MRPS11: variants seen among roughly 807,000 people sequenced by gnomAD.
MRPS11 encodes small ribosomal subunit protein uS11m.
MRPS11 carries 27 observed loss-of-function variants against 24.3 expected under a neutral mutation model. The ratio of observed to expected loss-of-function variants is 1.11; its 90% CI spans 0.82 to 1.53. The LOEUF (loss-of-function observed/expected upper bound fraction) is 1.53, where lower values mean the gene tolerates loss of function less well. Ranked by LOEUF, MRPS11 falls within the 40% of genes most tolerant of loss-of-function variation. The pLI, the probability that MRPS11 is intolerant of heterozygous loss-of-function variation, is 0.00. For missense variants in MRPS11, 277 were observed against 256.5 expected (o/e 1.08, Z -0.55); for synonymous variants, 104 against 98.7 (o/e 1.05, Z -0.32).
In MRPS11 at chr15:88,472,702, A is replaced by G; in HGVS notation, c.258A>G (p.Ala86=). The change falls in exon 3 of 6, where the codon GCA becomes GCG. Residue 86 remains alanine, a synonymous_variant. Transcript: ENST00000325844. ...AGKKFEEIPI[A]HIKASHNNTQ... ...AGAAATTTGAGGAGATCCCAATTGC[A>G]CACATTAAAGCATCCCACAACAAGT... 6.2e-7 allele frequency: 1 copy of G among 1,613,890 alleles called. No individual in the cohort carries two copies. The highest frequency in any genetic ancestry group is 8.5e-7 in the Non-Finnish European group (1 of 1,179,838).
chr15:88,478,248 A>C lies in MRPS11; in HGVS notation c.*269A>C. 1.1e-5 allele frequency: 5 copies of C among 468,832 alleles called. No individual in the cohort carries two copies. The highest frequency in any genetic ancestry group is 1.9e-5 in the African/African-American group (1 of 51,646). 29.0% of individuals were successfully genotyped at this position (468,832 alleles called of 1,614,324 possible). The stretch of plus-strand genomic sequence containing the variant: ...CAAACTCTGCTCTGAGAAAATAAAT[A>C]TCTGTACCACCTGTCATAATTTTGA... On this transcript the variant is annotated 3_prime_UTR_variant, in exon 6 of 6. Transcript: ENST00000325844. The surrounding 1 kb of genome is among the most constrained non-coding windows in gnomAD (Gnocchi z 4.7).
rs769413243 is a variant in MRPS11, at chr15:88,475,062, T to G, written c.282-48T>G. 3 of 1,606,026 alleles carry G rather than the reference T, an allele frequency of 1.9e-6. No individual in the cohort carries two copies. The South Asian group carries it at 3.3e-5, about 18-fold the overall frequency. ...GGGGCATAGATTAGCTCTCTCTTAT[T>G]TCCCTGAAGAAGAGTTGTATCCTAT... On this transcript the variant is annotated intron_variant, in intron 3 of 5. Transcript: ENST00000325844. This position sits in a 1 kb window ranked among gnomAD's most constrained non-coding sequence, Gnocchi z 4.1.
chr15:88,479,732 C>G lies in MRPS11; in HGVS notation c.*1753C>G, dbSNP rs2055894732. The G allele has an allele frequency of 6.6e-6, 1 of 152,248 alleles. No homozygotes were observed. The highest frequency in any genetic ancestry group is 1.5e-5 in the Non-Finnish European group (1 of 68,060). 9.4% of individuals were successfully genotyped at this position (152,248 alleles called of 1,614,324 possible). On this transcript the variant is annotated 3_prime_UTR_variant, in exon 6 of 6. Transcript: ENST00000325844. ...AAACATGGTGCACTTGAAAATTGCA[C>G]TTCGCGATTTGATATGGTTTGGTGG...
intron 3 of MRPS11, among the ~76,000 whole-genome samples, chr15:88,474,419 C>T (rs1467134258): frequency 6.6e-6 from 1 of 152,028 alleles, no homozygotes; most frequent in Non-Finnish European, 1.5e-5. Context: ...ATTAGCCAGG[C>T]ATGGTGGTGC....
rs554115469 is a variant in MRPS11, at chr15:88,479,787, A to G, written c.*1808A>G. The G allele has an allele frequency of 6.6e-6, 1 of 152,376 alleles. No homozygotes were observed. The highest frequency in any genetic ancestry group is 1.9e-4 in the East Asian group (1 of 5,194). The allele number at this position is 152,376 out of a possible 1,614,324, so 9.4% of individuals were successfully genotyped here. A position where few individuals can be genotyped will look rare whatever the true frequency, so the allele number is the denominator to read the frequency against. On this transcript the variant is annotated 3_prime_UTR_variant, in exon 6 of 6. Transcript: ENST00000325844. ...AGGGCCCGTAGCCATCAGACAGTTC[A>G]ATCAGGGTCTGAGCAGGAAACAGCT...
intron 2 of MRPS11, among the ~76,000 whole-genome samples, chr15:88,471,628 C>T (rs1020801931): frequency 9.2e-5 from 14 of 152,158 alleles, no homozygotes; most frequent in African/African-American, 3.4e-4. Flanking sequence ...CCTATTGGTA[C>T]CTAATTTTCA....
rs1244699342 is a variant in MRPS11, at chr15:88,477,912, T to G, written c.518T>G (p.Ile173Ser). Residue 173 changes from isoleucine (I) to serine (S), a missense_variant, in exon 6 of 6, where the codon ATC becomes AGC. By Grantham distance (142) the Ile-to-Ser change is moderately radical (BLOSUM62 -2). Coordinates refer to ENST00000325844, the MANE Select transcript of MRPS11 (RefSeq NM_022839.5). The surrounding 1 kb of genome is among the most constrained non-coding windows in gnomAD (Gnocchi z 5.7). ...CTGATCATGGGCGGCCTGGAAGTGATCTCAATCACAGACAACACCCCAATC... is the reference window on the plus strand; with the variant it reads ...CTGATCATGGGCGGCCTGGAAGTGAGCTCAATCACAGACAACACCCCAATC... ...HGLIMGGLEV[I>S]SITDNTPIPH... The G allele has an allele frequency of 6.2e-7, 1 of 1,614,118 alleles. No individual in the cohort carries two copies. Among genetic ancestry groups the G allele is most frequent in the African/African-American group, 1.3e-5 (1 of 75,022 alleles).
chr15:88,473,200 GCCT>G (rs1170072701), intron 3 of MRPS11, among the ~76,000 whole-genome samples: 1 of 152,220 alleles, frequency 6.6e-6, no homozygotes, highest in South Asian at 2.1e-4. Context: ...CTGTGCACTG[GCCT>G]CCACCTTGTA....
chr15:88,475,388 A>G lies in MRPS11; in HGVS notation c.411+149A>G. On this transcript the variant is annotated intron_variant, in intron 4 of 5. Coordinates refer to ENST00000325844, the MANE Select transcript of MRPS11 (RefSeq NM_022839.5). This position sits in a 1 kb window ranked among gnomAD's most constrained non-coding sequence, Gnocchi z 4.1. Reference sequence around the variant, plus strand: ...TGCCCTGATTGGAGCATTGGTTTGAAAAGGTTTAGTGAAAGGCTCCTCTTT... The same window carrying G: ...TGCCCTGATTGGAGCATTGGTTTGAGAAGGTTTAGTGAAAGGCTCCTCTTT... 1 of 1,192,686 alleles carries G rather than the reference A, an allele frequency of 8.4e-7. No individual in the cohort carries two copies. Among genetic ancestry groups the G allele is most frequent in the Non-Finnish European group, 1.2e-6 (1 of 863,876 alleles). The allele number at this position is 1,192,686 out of a possible 1,614,324, so 73.9% of individuals were successfully genotyped here.
At position 88,477,582 on chromosome 15, in the gene MRPS11, G is replaced by C. The variant is rs560604140; in HGVS notation, c.478-290G>C. 5.3e-5 allele frequency among the ~76,000 whole-genome samples: 8 copies of C among 152,300 alleles called. No individual in the cohort carries two copies. Among genetic ancestry groups the C allele is most frequent in the Middle Eastern group, 3.4e-3 (1 of 294 alleles). On this transcript the variant is annotated intron_variant, in intron 5 of 5. Transcript: ENST00000325844. The surrounding 1 kb of genome is among the most constrained non-coding windows in gnomAD (Gnocchi z 5.7). ...TAAGCTACAGAAGTATGATACCCAAGGTGTGCCAAGGTCTACAAGAAGTCT... is the reference window on the plus strand; with the variant it reads ...TAAGCTACAGAAGTATGATACCCAACGTGTGCCAAGGTCTACAAGAAGTCT...
intron 2 of MRPS11, 168 bp from the exon 3 acceptor site, chr15:88,472,459 A>C (rs2055731558): frequency 5.1e-6 from 3 of 583,672 alleles, no homozygotes; most frequent in Non-Finnish European, 9.3e-6. Flanking sequence ...TAAGCACAGC[A>C]GTCACACATG....
Position 88,477,908 on chromosome 15 carries a change from G to C in MRPS11, c.514G>C (p.Val172Leu). The C allele has an allele frequency of 6.2e-7, 1 of 1,614,192 alleles. No individual in the cohort carries two copies. Residue 172 changes from valine to leucine, a missense_variant, in exon 6 of 6, where the codon GTG becomes CTG. Coordinates refer to ENST00000325844, the MANE Select transcript of MRPS11 (RefSeq NM_022839.5). The surrounding 1 kb of genome is among the most constrained non-coding windows in gnomAD (Gnocchi z 5.7). Reference sequence around the variant, plus strand: ...CGGACTGATCATGGGCGGCCTGGAAGTGATCTCAATCACAGACAACACCCC... The same window carrying C: ...CGGACTGATCATGGGCGGCCTGGAACTGATCTCAATCACAGACAACACCCC... ...MHGLIMGGLE[V>L]ISITDNTPIP...
intron 4 of MRPS11, among the ~76,000 whole-genome samples, chr15:88,476,143 A>G (rs946320001): frequency 1.3e-5 from 2 of 152,174 alleles, no homozygotes; most frequent in African/African-American, 4.8e-5. Flanking sequence ...GAGCATCTAC[A>G]TGTGCCAGAC....
rs28722515 is a variant in MRPS11, at chr15:88,469,850, C to A, written c.182+1826C>A. Among the ~76,000 whole-genome samples, 2 of 152,070 alleles carry A rather than the reference C, an allele frequency of 1.3e-5. No individual in the cohort carries two copies. The highest frequency in any genetic ancestry group is 4.8e-5 in the African/African-American group (2 of 41,382). On this transcript the variant is annotated intron_variant, in intron 2 of 5. Coordinates refer to ENST00000325844, the MANE Select transcript of MRPS11 (RefSeq NM_022839.5). The surrounding 1 kb of genome is among the most constrained non-coding windows in gnomAD (Gnocchi z 4.4). ...AGAACAAGCAGGATTTGTTAATATA[C>A]AGTGTGAGAAAAAGGAGCGAAGGAA...
At chr15:88,473,498 A>G (rs910385135) in intron 3 of MRPS11, among the ~76,000 whole-genome samples, 3 of 152,256 alleles carry the variant, frequency 2.0e-5, no homozygotes, top group Non-Finnish European at 4.4e-5. Context: ...TTTGTCAGAT[A>G]AATGTAAAGT....
At chr15:88,471,020 C>A (rs1476826741) in intron 2 of MRPS11, among the ~76,000 whole-genome samples, 2 of 152,194 alleles carry the variant, frequency 1.3e-5, no homozygotes, top group Non-Finnish European at 2.9e-5. Flanking sequence ...GGCTAATACA[C>A]AAGTGGAGCA....
chr15:88,477,959 A>G lies in MRPS11; in HGVS notation c.565A>G (p.Arg189Gly). ...AATCCCACACAACGGCTGCCGCCCC[A>G]GGAAGGCTCGGAAGCTGTGATGGGA... is the stretch of plus-strand genomic sequence containing the variant. ...TPIPHNGCRP[R>G]KARKL Residue 189 changes from arginine (R) to glycine (G), a missense_variant, in exon 6 of 6, where the codon AGG becomes GGG. Physicochemically the swap from Arg to Gly is moderately radical, Grantham distance 125. Transcript: ENST00000325844. The surrounding 1 kb of genome is among the most constrained non-coding windows in gnomAD (Gnocchi z 5.7). The G allele has an allele frequency of 6.2e-7, 1 of 1,614,164 alleles. No individual in the cohort carries two copies. Among genetic ancestry groups the G allele is most frequent in the Non-Finnish European group, 8.5e-7 (1 of 1,180,014 alleles).
intron 3 of MRPS11, 133 bp from the exon 4 acceptor site, chr15:88,474,977 A>G: frequency 9.6e-7 from 1 of 1,045,530 alleles, no homozygotes; most frequent in Non-Finnish European, 1.4e-6. Flanking sequence ...AAACATGTTC[A>G]TCTGAGAAGC....
chr15:88,468,556 A>G, intron 2 of MRPS11: 4 of 971,662 alleles, frequency 4.1e-6, no homozygotes, highest in Non-Finnish European at 4.9e-6. Context: ...ACTATGAGTG[A>G]GACACCATGC....
Sources: allele counts gnomAD v4.1 joint callset (sites outside exome capture counted in the v4.1 genomes callset), GRCh38; gene constraint gnomAD v4.1.1; non-coding constraint Gnocchi (gnomAD v3.1); transcripts MANE v1.5; gene names NCBI Gene and HGNC (gene_info 2026-07-23, HGNC 2026-07-21).